KCNAB2: variants seen among roughly 807,000 people sequenced by gnomAD.
KCNAB2 encodes voltage-gated potassium channel subunit beta-2.
Under a neutral mutation model 63.6 loss-of-function variants are expected in KCNAB2, and 29 were observed. That is an observed-to-expected ratio of 0.46 (90% CI 0.34 to 0.62). KCNAB2 has a LOEUF of 0.62. KCNAB2 is among the 20% of genes least tolerant of loss of function. The pLI, the probability that KCNAB2 is intolerant of heterozygous loss-of-function variation, is 0.01. For synonymous variants in KCNAB2, 222 were observed against 224.2 expected (o/e 0.99, Z 0.09); for missense variants, 359 against 563.9 (o/e 0.64, Z 3.68).
chr1:6,067,918 C>T (rs1331310990), intron 2 of KCNAB2, among the ~76,000 whole-genome samples: 1 of 152,154 alleles, frequency 6.6e-6, no homozygotes, highest in Non-Finnish European at 1.5e-5. Flanking sequence ...GTAGTCCCAA[C>T]TACTTGGGAG....
chr1:6,091,201 C>T (rs1400252351), intron 9 of KCNAB2, 62 bp from the exon 10 acceptor site: 1 of 1,264,468 alleles, frequency 7.9e-7, no homozygotes, highest in Non-Finnish European at 1.1e-6. Flanking sequence ...TTCGTCGTGC[C>T]ACGCCTCTCA....
chr1:6,030,448 C>T (rs895136405), upstream of KCNAB2, among the ~76,000 whole-genome samples: 6 of 150,174 alleles, frequency 4.0e-5, no homozygotes, highest in South Asian at 2.1e-4. Flanking sequence ...ACCCCTCCAA[C>T]GTGTGTGTGT....
intron 1 of KCNAB2, among the ~76,000 whole-genome samples, chr1:6,025,847 A>G (rs1198961042): frequency 8.4e-6 from 1 of 119,594 alleles, no homozygotes; most frequent in African/African-American, 3.4e-5. Flanking sequence ...CCCAGCACAC[A>G]GCCGATCCCG....
At chr1:6,029,219 G>A (rs957418085) in intron 1 of KCNAB2, among the ~76,000 whole-genome samples, 1 of 151,066 alleles carries the variant, frequency 6.6e-6, no homozygotes, top group Non-Finnish European at 1.5e-5. Flanking sequence ...GGAGGCAGAG[G>A]CTGCAGTGAG....
At chr1:6,019,249 G>A (rs1408171037) in intron 1 of KCNAB2, among the ~76,000 whole-genome samples, 4 of 152,036 alleles carry the variant, frequency 2.6e-5, no homozygotes, top group Non-Finnish European at 4.4e-5. Context: ...CTGTGATCAT[G>A]CCACTGTACT....
chr1:6,045,266 C>T (rs991540291), upstream of KCNAB2, among the ~76,000 whole-genome samples: 7 of 152,200 alleles, frequency 4.6e-5, no homozygotes, highest in African/African-American at 1.2e-4. This position sits in a 1 kb window ranked among gnomAD's most constrained non-coding sequence, Gnocchi z 4.8. Flanking sequence ...TTCACTGGCG[C>T]GCTTTCTCAG....
rs754379803 is a variant in KCNAB2, at chr1:6,094,413, C to T, written c.660C>T (p.Ala220=). ...CTCTCACGACAGAGACCGTCCGCGC[C>T]ATGACCCACGTCATCAACCAGGGGA... ...RTFIIEETVR[A]MTHVINQGMA... Residue 220 remains alanine (A), a synonymous_variant, in exon 11 of 16, where the codon GCC becomes GCT. Coordinates refer to ENST00000378083, the MANE Select transcript of KCNAB2 (RefSeq NM_001199862.2). The T allele has an allele frequency of 1.9e-6, 3 of 1,610,968 alleles. No individual in the cohort carries two copies. The highest frequency in any genetic ancestry group is 2.2e-5 in the South Asian group (2 of 90,532).
In KCNAB2 at chr1:6,098,492, C is replaced by T. The variant is rs767966366; in HGVS notation, c.1166C>T (p.Pro389Leu). Residue 389 changes from proline (P) to leucine (L), a missense_variant, in exon 16 of 16, where the codon CCG becomes CTG. Coordinates refer to ENST00000378083, the MANE Select transcript of KCNAB2 (RefSeq NM_001199862.2). ...TGTTGTTCTTGCACGCAGGTCCTTCCGAAACTGTCATCTTCCATTATCCAC... is the reference window on the plus strand; with the variant it reads ...TGTTGTTCTTGCACGCAGGTCCTTCTGAAACTGTCATCTTCCATTATCCAC... ...MENIGAIQVLPKLSSSIIHEI... is the reference protein window; with the variant it reads ...MENIGAIQVLLKLSSSIIHEI... 2.5e-6 allele frequency: 4 copies of T among 1,613,762 alleles called. No homozygotes were observed. The highest frequency in any genetic ancestry group is 3.3e-5 in the Admixed American group (2 of 59,988).
chr1:6,012,920 G>T (rs367654705), intron 1 of KCNAB2, among the ~76,000 whole-genome samples: 20 of 152,160 alleles, frequency 1.3e-4, no homozygotes, highest in Admixed American at 3.3e-4. Flanking sequence ...TGTGAGCCAG[G>T]CATCCTCTCG....
At chr1:6,038,188 C>T (rs1660210374) in intron 1 of KCNAB2, among the ~76,000 whole-genome samples, 1 of 151,962 alleles carries the variant, frequency 6.6e-6, no homozygotes, top group Non-Finnish European at 1.5e-5. Context: ...AAATGAGGGT[C>T]TTTAAGAATA....
chr1:6,097,859 G>A (rs114030469), intron 15 of KCNAB2: 4,809 of 222,082 alleles, frequency 0.022, 69 homozygotes, highest in Middle Eastern at 0.067. Context: ...GACGGGAGCC[G>A]TGGCAAAATT....
Position 6,086,695 on chromosome 1 carries a change from G to GT in KCNAB2, c.426-771dup, listed in dbSNP as rs1326570926. On this transcript the variant is annotated intron_variant, in intron 6 of 15. Coordinates refer to ENST00000378083, the MANE Select transcript of KCNAB2 (RefSeq NM_001199862.2). The surrounding 1 kb of genome is among the most constrained non-coding windows in gnomAD (Gnocchi z 4.2). ...GACAAAGCCACTGGTATGGGCATTT[G>GT]TCTCGTGTGGACTTAGAGCAGAAGA... Among the ~76,000 whole-genome samples the GT allele has an allele frequency of 6.6e-6, 1 of 152,168 alleles. No homozygotes were observed. Among genetic ancestry groups the GT allele is most frequent in the Admixed American group, 6.5e-5 (1 of 15,274 alleles).
At position 6,074,598 on chromosome 1, in the gene KCNAB2, A is replaced by G. The variant is rs1289373460; in HGVS notation, c.300+828A>G. On this transcript the variant is annotated intron_variant, in intron 4 of 15. Coordinates refer to ENST00000378083, the MANE Select transcript of KCNAB2 (RefSeq NM_001199862.2). This position sits in a 1 kb window ranked among gnomAD's most constrained non-coding sequence, Gnocchi z 4.9. ...TGTTAGCTGCGATTGCTCAGTTTCC[A>G]AGGGAAAGCTTTGCTTCTATCAAAA... Among the ~76,000 whole-genome samples, 1 of 152,234 alleles carries G rather than the reference A, an allele frequency of 6.6e-6. No individual in the cohort carries two copies. Among genetic ancestry groups the G allele is most frequent in the Non-Finnish European group, 1.5e-5 (1 of 68,050 alleles).
chr1:6,086,637 G>T lies in KCNAB2; in HGVS notation c.426-830G>T, dbSNP rs545696125. On this transcript the variant is annotated intron_variant, in intron 6 of 15. Transcript: ENST00000378083. This position sits in a 1 kb window ranked among gnomAD's most constrained non-coding sequence, Gnocchi z 4.2. Reference sequence around the variant, plus strand: ...GGAGGGGTCAAGGTCAAACGTGGCTGGGAGGGGCCATCATTATCCCCCATC... The same window carrying T: ...GGAGGGGTCAAGGTCAAACGTGGCTTGGAGGGGCCATCATTATCCCCCATC... Among the ~76,000 whole-genome samples, 80 of 152,286 alleles carry T rather than the reference G, an allele frequency of 5.3e-4. 1 individual carries two copies. Among genetic ancestry groups the T allele is most frequent in the Admixed American group, 3.9e-3 (60 of 15,300 alleles).
chr1:6,093,382 C>T (rs952994749), intron 10 of KCNAB2, among the ~76,000 whole-genome samples: 7 of 152,236 alleles, frequency 4.6e-5, no homozygotes, highest in African/African-American at 1.7e-4. Context: ...TTTGAAATTT[C>T]GACGCCAAGT....
At chr1:6,020,884 T>A (rs1172176186) in intron 1 of KCNAB2, among the ~76,000 whole-genome samples, 1 of 152,128 alleles carries the variant, frequency 6.6e-6, no homozygotes, top group African/African-American at 2.4e-5. Context: ...GGTCTCGAAC[T>A]CCTGACCTCA....
chr1:6,060,728 C>T (rs916520015), intron 2 of KCNAB2, among the ~76,000 whole-genome samples: 2 of 152,082 alleles, frequency 1.3e-5, no homozygotes, highest in African/African-American at 4.8e-5. Flanking sequence ...CATGCTGAAA[C>T]CCCGTCTCTA....
intron 10 of KCNAB2, 29 bp downstream of exon 10, chr1:6,091,336 A>G: frequency 1.4e-6 from 2 of 1,476,488 alleles, no homozygotes; most frequent in Non-Finnish European, 1.8e-6. Context: ...CTGACTATTG[A>G]CTTCTGTGTC....
chr1:6,029,111 C>T (rs780912315), intron 1 of KCNAB2, among the ~76,000 whole-genome samples: 103 of 152,034 alleles, frequency 6.8e-4, no homozygotes, highest in Non-Finnish European at 1.0e-3. Context: ...GAAACCCTGT[C>T]TCTACTAAAA....
Sources: gnomAD v4.1 joint callset for allele counts (sites outside exome capture counted in the v4.1 genomes callset) on GRCh38, gnomAD v4.1.1 for gene constraint, Gnocchi (gnomAD v3.1) non-coding constraint, MANE v1.5 for transcripts, NCBI Gene and HGNC (gene_info 2026-07-23, HGNC 2026-07-21) for gene names.